The following NFRKB variants were observed in gnomAD, a reference collection of about 807,000 sequenced individuals.
The protein encoded by NFRKB is nuclear factor related to kappaB binding protein.
NFRKB carries 62 observed loss-of-function variants against 135.7 expected under a neutral mutation model. The observed-to-expected ratio is 0.46, with a 90% CI of 0.37 to 0.56. The LOEUF is 0.56. NFRKB is among the 20% of genes least tolerant of loss of function. The probability of loss-of-function intolerance (pLI) is 0.00; values close to 1 mark genes in which losing one functional copy is unlikely to be tolerated. For synonymous variants in NFRKB, 678 were observed against 635.6 expected, an observed-to-expected ratio of 1.07 and a Z score of -1.00; for missense variants, 1,545 against 1,662.0, an observed-to-expected ratio of 0.93 and a Z score of 1.22.
intron 4 of NFRKB, 43 bp from the exon 5 acceptor site, chr11:129,886,487 T>C (rs374940764): frequency 4.5e-5 from 71 of 1,566,856 alleles, no homozygotes; most frequent in Non-Finnish European, 6.0e-5. Context: ...AATCAACAAA[T>C]ATACATCATC....
At chr11:129,890,093 G>GATCAGAGAACAGCACAC (rs1949487336) in intron 3 of NFRKB, among the ~76,000 whole-genome samples, 1 of 151,088 alleles carries the variant, frequency 6.6e-6, no homozygotes, top group African/African-American at 2.4e-5. Flanking sequence ...AGGGAGGGAG[G>GATCAGAGAACAGCACAC]TGGAGGCAGC....
rs892869485 is a variant in NFRKB, at chr11:129,881,803, G to C, written c.1242C>G (p.Asn414Lys). 6.2e-7 allele frequency: 1 copy of C among 1,613,522 alleles called. No individual in the cohort carries two copies. The highest frequency in any genetic ancestry group is 1.1e-5 in the South Asian group (1 of 90,914). The change falls in exon 12 of 27, where the codon AAC becomes AAG. Residue 414 changes from asparagine to lysine, a missense_variant. By Grantham distance (94) the Asn-to-Lys change is moderately conservative. Around this residue, in one of 3 missense-constraint regions of NFRKB, gnomAD observed 678 missense variants for 646.7 expected, o/e 1.05. Coordinates refer to ENST00000682444, the MANE Select transcript of NFRKB (RefSeq NM_001143835.2). ...AGTTGGGGGCCGCAGAGAACCAGCT[G>C]TTGAGGGAGCTGGCTGGCGATGACT... ...DWQSSPASSL[N>K]SWFSAAPNWA...
Position 129,892,871 on chromosome 11 carries a change from C to G in NFRKB, c.-21-1G>C, listed in dbSNP as rs868077864. On this transcript the variant is annotated splice_acceptor_variant, in intron 2 of 26. Transcript: ENST00000682444. LOFTEE classifies it low-confidence loss of function (5UTR_SPLICE). The stretch of plus-strand genomic sequence containing the variant: ...CCATTGTTTCTTCTCCACAGGTACT[C>G]TGGACAAAGACATGCATCTTGAGAC... 1.9e-6 allele frequency: 3 copies of G among 1,614,194 alleles called. No homozygotes were observed. The Middle Eastern group carries it at 4.9e-4, about 266-fold the overall frequency.
chr11:129,886,197 G>A, intron 5 of NFRKB, 120 bp downstream of exon 5: 1 of 1,126,120 alleles, frequency 8.9e-7, no homozygotes, highest in Non-Finnish European at 1.3e-6. Flanking sequence ...CTGTGTCACA[G>A]ATTAATTGGT....
intron 16 of NFRKB, 105 bp from the exon 17 acceptor site, chr11:129,877,000 A>G (rs1948797246): frequency 1.8e-6 from 2 of 1,123,250 alleles, no homozygotes; most frequent in East Asian, 4.9e-5. Flanking sequence ...TAAAACAGGA[A>G]GGAACAAGTG....
Position 129,864,486 on chromosome 11 carries a change from A to G in NFRKB, c.*239T>C, listed in dbSNP as rs909813761. On this transcript the variant is annotated 3_prime_UTR_variant, in exon 27 of 27. Transcript: ENST00000682444. ...TGGTAATTCCTGCAATTTCAACAGA[A>G]TATTCTCCTAGATTGGTAGAGAGCA... is the stretch of plus-strand genomic sequence containing the variant. 10 of 479,638 alleles carry G rather than the reference A, an allele frequency of 2.1e-5. No individual in the cohort carries two copies. Among genetic ancestry groups the G allele is most frequent in the African/African-American group, 1.9e-4 (10 of 51,652 alleles). The allele number at this position is 479,638 out of a possible 1,614,324, so 29.7% of individuals were successfully genotyped here. A position where few individuals can be genotyped will look rare whatever the true frequency, so the allele number is the denominator to read the frequency against.
chr11:129,877,796 A>G (rs1225923284), intron 15 of NFRKB, among the ~76,000 whole-genome samples: 2 of 152,152 alleles, frequency 1.3e-5, no homozygotes, highest in East Asian at 3.9e-4. Flanking sequence ...TATTACATGA[A>G]GCAAAAGTTC....
At chr11:129,893,599 T>C (rs1387662546) in intron 2 of NFRKB, among the ~76,000 whole-genome samples, 38 of 152,000 alleles carry the variant, frequency 2.5e-4, no homozygotes, top group Admixed American at 2.5e-3. Context: ...GAATATTGTT[T>C]GTTGTTCTTT....
At chr11:129,880,358 G>A (rs1948971544) in intron 13 of NFRKB, among the ~76,000 whole-genome samples, 1 of 152,046 alleles carries the variant, frequency 6.6e-6, no homozygotes, top group African/African-American at 2.4e-5. Flanking sequence ...CCACAGCCAA[G>A]CCATAACCAA....
chr11:129,886,834 C>A (rs1949302275), intron 4 of NFRKB, among the ~76,000 whole-genome samples: 1 of 152,218 alleles, frequency 6.6e-6, no homozygotes. Context: ...AGGTCCCTTA[C>A]AGAGCCCCTC....
chr11:129,882,704 A>G (rs1949088645), intron 9 of NFRKB, 73 bp from the exon 10 acceptor site: 12 of 1,450,664 alleles, frequency 8.3e-6, no homozygotes, highest in Non-Finnish European at 1.1e-5. Context: ...TTATCTGCAT[A>G]TTCTTTTCCC....
In NFRKB at chr11:129,874,827, G is replaced by T; in HGVS notation, c.1944C>A (p.Ile648=). ...VKYDIGRKLW[I]YLHRDRSEEE... ...CTTCACTCCGGTCACGATGCAGGTA[G>T]ATCCACAGCTTTCGTCCAATGTCGT... Residue 648 remains isoleucine (I), a synonymous_variant, in exon 19 of 27, where the codon ATC becomes ATA. Coordinates refer to ENST00000682444, the MANE Select transcript of NFRKB (RefSeq NM_001143835.2). This position sits in a 1 kb window ranked among gnomAD's most constrained non-coding sequence, Gnocchi z 4.5. 1.2e-6 allele frequency: 2 copies of T among 1,614,170 alleles called. No homozygotes were observed. The highest frequency in any genetic ancestry group is 1.7e-6 in the Non-Finnish European group (2 of 1,180,036).
chr11:129,888,204 A>C, intron 4 of NFRKB: 1 of 506,976 alleles, frequency 2.0e-6, no homozygotes, highest in South Asian at 2.7e-5. Flanking sequence ...TTCTGCAGCA[A>C]AAAGTGTGTG....
intron 8 of NFRKB, 99 bp downstream of exon 8, chr11:129,883,971 C>G: frequency 8.2e-7 from 1 of 1,212,206 alleles, no homozygotes; most frequent in South Asian, 1.2e-5. Context: ...GTAGGGAGGA[C>G]ATACAGACGA....
At chr11:129,881,565 C>T in intron 12 of NFRKB, 57 bp from the exon 13 acceptor site, 1 of 1,609,374 alleles carries the variant, frequency 6.2e-7, no homozygotes, top group Non-Finnish European at 8.5e-7. Context: ...AGCTCCGAAA[C>T]AGCTTTTGAG....
At position 129,869,879 on chromosome 11, in the gene NFRKB, T is replaced by A. The variant is rs1332243668; in HGVS notation, c.3146A>T (p.Lys1049Met). The A allele has an allele frequency of 6.2e-7, 1 of 1,614,134 alleles. No individual in the cohort carries two copies. Among genetic ancestry groups the A allele is most frequent in the Non-Finnish European group, 8.5e-7 (1 of 1,180,052 alleles). ...AGCCGAACTTGAGGCTTCTGTTGGC[T>A]TGAGGTCAGGAGTCACTTTGACCAC... ...TTVVKVTPDL[K>M]PTEASSSAFR... Residue 1049 changes from lysine to methionine, a missense_variant, in exon 24 of 27, where the codon AAG becomes ATG. Lys to Met is a moderately conservative substitution (Grantham distance 95, BLOSUM62 -1). Transcript: ENST00000682444.
intron 5 of NFRKB, 140 bp downstream of exon 5, chr11:129,886,172 GATGGC>G: frequency 2.4e-6 from 2 of 835,056 alleles, no homozygotes; most frequent in Non-Finnish European, 1.9e-6. Context: ...CATAAGAAAG[GATGGC>G]ATAGCTTAAC....
At chr11:129,887,962 G>A (rs931117542) in intron 4 of NFRKB, among the ~76,000 whole-genome samples, 12 of 152,190 alleles carry the variant, frequency 7.9e-5, no homozygotes, top group East Asian at 1.9e-4. Flanking sequence ...GCGTGAACGC[G>A]GGAGGCAGAG....
At position 129,882,530 on chromosome 11, in the gene NFRKB, C is replaced by T. The variant is rs758074454; in HGVS notation, c.1003G>A (p.Glu335Lys). The T allele has an allele frequency of 4.3e-6, 7 of 1,613,954 alleles. No individual in the cohort carries two copies. The South Asian group carries it at 4.4e-5, about 10-fold the overall frequency. ...ACCCCTTCAGTACTGCTTAGCGGCT[C>T]GGCCAGGTCCTCTGCCTCTGATTTG... ...TIKSEAEDLA[E>K]PLSSTEGVAP... The change falls in exon 10 of 27, where the codon GAG becomes AAG. Residue 335 changes from glutamate (E) to lysine (K), a missense_variant. Physicochemically the swap from Glu to Lys is moderately conservative, Grantham distance 56. Coordinates refer to ENST00000682444, the MANE Select transcript of NFRKB (RefSeq NM_001143835.2).
Sources: gnomAD v4.1 joint callset for allele counts (sites outside exome capture counted in the v4.1 genomes callset) on GRCh38, gnomAD v4.1.1 for gene constraint, gnomAD v4.1.1 regional missense constraint, Gnocchi (gnomAD v3.1) non-coding constraint, MANE v1.5 for transcripts, NCBI Gene and HGNC (gene_info 2026-07-23, HGNC 2026-07-21) for gene names.